FAM136A: variants seen among roughly 807,000 people sequenced by gnomAD.
FAM136A encodes the protein TIM double twin CX3C motif protein.
FAM136A carries 25 observed loss-of-function variants against 21.6 expected under a neutral mutation model. The observed-to-expected ratio is 1.16, with a 90% CI of 0.84 to 1.62. FAM136A has a LOEUF of 1.62. Ranked by LOEUF, FAM136A falls within the 40% of genes most tolerant of loss-of-function variation. FAM136A has a pLI of 0.00. For missense variants in FAM136A, 338 were observed against 332.0 expected (o/e 1.02, Z -0.14); for synonymous variants, 119 against 129.4 (o/e 0.92, Z 0.55).
rs2279159 is a variant in FAM136A at position 70,301,695 on chromosome 2, G to A, written c.317C>T (p.Pro106Leu). ...CTGCCGCCGAGGACGCTCCTGCCCC[G>A]GGCTGGAAGGGGCGGAAAACAGCCT... ...CARLFSAPSSPGQERPRRQVG... is the reference protein window; with the variant it reads ...CARLFSAPSSLGQERPRRQVG... The change falls in exon 1 of 3, where the codon CCG (proline) becomes CTG (leucine). Residue 106 changes from proline to leucine, a missense_variant. Transcript: ENST00000430566. 522,074 of 1,535,188 alleles carry A rather than the reference G, an allele frequency of 0.34. 91,243 individuals carry two copies. Among genetic ancestry groups the A allele is most frequent in the Admixed American group, 0.47 (23,771 of 50,936 alleles).
intron 1 of FAM136A, chr2:70,301,228 G>T: frequency 2.4e-6 from 2 of 840,122 alleles, no homozygotes; most frequent in Non-Finnish European, 3.6e-6. Flanking sequence ...ACCGATGGTT[G>T]GGTGAACAGA....
In FAM136A at chr2:70,301,442, C is replaced by A. The variant is rs926239446; in HGVS notation, c.408+162G>T. On this transcript the variant is annotated intron_variant, in intron 1 of 2. Transcript: ENST00000430566. ...GAAGCAGGACCGAAACACACAGAGG[C>A]ATTGCGGGGCTCAGAGAAGAACAGT... 5.2e-6 allele frequency: 8 copies of A among 1,535,392 alleles called. No homozygotes were observed. In the South Asian group the frequency reaches 8.4e-5, roughly 16 times the overall value.
At position 70,302,063 on chromosome 2, in the gene FAM136A, G is replaced by C. The variant is rs544155052; in HGVS notation, c.-52C>G. 2,383 of 1,513,634 alleles carry C rather than the reference G, an allele frequency of 1.6e-3. 2 individuals are homozygous for C. Among genetic ancestry groups the C allele is most frequent in the Non-Finnish European group, 1.8e-3 (2,001 of 1,135,178 alleles). The allele number at this position is 1,513,634 out of a possible 1,614,324, so 93.8% of individuals were successfully genotyped here. A position where few individuals can be genotyped will look rare whatever the true frequency, so the allele number is the denominator to read the frequency against. On this transcript the variant is annotated 5_prime_UTR_variant, in exon 1 of 3. Transcript: ENST00000430566. ...TCCGCGCCGGCGCCCATATGGAATC[G>C]GCGTACGGGCCCGCCCCCTCACCGC... is the stretch of plus-strand genomic sequence containing the variant.
chr2:70,297,161 A>G lies in FAM136A; in HGVS notation c.*128T>C, dbSNP rs1229127441. The G allele has an allele frequency of 8.7e-6, 8 of 919,562 alleles. No individual in the cohort carries two copies. The highest frequency in any genetic ancestry group is 1.1e-5 in the Non-Finnish European group (7 of 622,416). 57.0% of individuals were successfully genotyped at this position (919,562 alleles called of 1,614,324 possible). A position where few individuals can be genotyped will look rare whatever the true frequency, so the allele number is the denominator to read the frequency against. ...TAACCAGTGTCCAGAGGCAAGTGAC[A>G]TATGCCTTACGCTTGTGGCCATCCT... On this transcript the variant is annotated 3_prime_UTR_variant, in exon 3 of 3. Coordinates refer to ENST00000430566, the MANE Select transcript of FAM136A (RefSeq NM_001329752.2).
rs762894900 is a variant in FAM136A at position 70,301,783 on chromosome 2, G to C, written c.229C>G (p.Leu77Val). ...CGRPWGRRGG[L>V]GQDFGSFGGS... Reference sequence around the variant, plus strand: ...CCAAAGCTTCCGAAGTCCTGTCCGAGGCCGCCCCGGCGACCCCAGGGCCGC... The same window carrying C: ...CCAAAGCTTCCGAAGTCCTGTCCGACGCCGCCCCGGCGACCCCAGGGCCGC... The change falls in exon 1 of 3, where the codon CTC becomes GTC. Residue 77 changes from leucine to valine, a missense_variant. Coordinates refer to ENST00000430566, the MANE Select transcript of FAM136A (RefSeq NM_001329752.2). 1 of 1,546,614 alleles carries C rather than the reference G, an allele frequency of 6.5e-7. No homozygotes were observed. Among genetic ancestry groups the C allele is most frequent in the South Asian group, 1.2e-5 (1 of 83,916 alleles).
intron 2 of FAM136A, 39 bp downstream of exon 2, chr2:70,300,801 T>G: frequency 1.3e-6 from 2 of 1,546,984 alleles, no homozygotes; most frequent in Non-Finnish European, 1.8e-6. Flanking sequence ...CAAAAGTCTG[T>G]ATCAAGGACT....
intron 2 of FAM136A, 35 bp from the exon 3 acceptor site, chr2:70,297,512 G>A (rs1263225226): frequency 6.2e-7 from 1 of 1,607,946 alleles, no homozygotes; most frequent in East Asian, 2.2e-5. Flanking sequence ...AAAAAGCTGA[G>A]AGTAAGGCCT....
intron 2 of FAM136A, among the ~76,000 whole-genome samples, chr2:70,298,183 C>T (rs1156283436): frequency 1.3e-5 from 2 of 151,978 alleles, no homozygotes; most frequent in Non-Finnish European, 2.9e-5. Context: ...ACCTCCACCT[C>T]CCGGGTTCAA....
chr2:70,301,098 CT>C lies in FAM136A; in HGVS notation c.409-119del. 3 of 1,217,942 alleles carry C rather than the reference CT, an allele frequency of 2.5e-6. No homozygotes were observed. In the South Asian group the frequency reaches 4.5e-5, roughly 18 times the overall value. 75.4% of individuals were successfully genotyped at this position (1,217,942 alleles called of 1,614,324 possible). A position where few individuals can be genotyped will look rare whatever the true frequency, so the allele number is the denominator to read the frequency against. On this transcript the variant is annotated intron_variant, in intron 1 of 2. Coordinates refer to ENST00000430566, the MANE Select transcript of FAM136A (RefSeq NM_001329752.2). Reference sequence around the variant, plus strand: ...TTTGCACCTCTCTCTCCACCTTCTGCTTTCACCTTCCCTGAGAATAGACACC... The same window carrying C: ...TTTGCACCTCTCTCTCCACCTTCTGCTTCACCTTCCCTGAGAATAGACACC...
Position 70,300,985 on chromosome 2 carries a change from G to A in FAM136A, c.409-5C>T. Reference sequence around the variant, plus strand: ...GCTGCACCGGAACATGAGACCCTGGGGAGAAAGGGCAGAGAGGTTAGGTAG... The same window carrying A: ...GCTGCACCGGAACATGAGACCCTGGAGAGAAAGGGCAGAGAGGTTAGGTAG... On this transcript the variant is annotated splice_region_variant and splice_polypyrimidine_tract_variant and intron_variant, in intron 1 of 2. Coordinates refer to ENST00000430566, the MANE Select transcript of FAM136A (RefSeq NM_001329752.2). 2 of 1,608,930 alleles carry A rather than the reference G, an allele frequency of 1.2e-6. No homozygotes were observed. Among genetic ancestry groups the A allele is most frequent in the South Asian group, 1.1e-5 (1 of 90,910 alleles).
chr2:70,299,756 A>G (rs1176373521), intron 2 of FAM136A, among the ~76,000 whole-genome samples: 1 of 151,570 alleles, frequency 6.6e-6, no homozygotes. Context: ...GCCCACCACC[A>G]CACCTGGCCA....
intron 1 of FAM136A, 47 bp downstream of exon 1, chr2:70,301,557 T>G (rs1697399313): frequency 6.5e-7 from 1 of 1,535,854 alleles, no homozygotes; most frequent in Non-Finnish European, 8.7e-7. Context: ...CTCGCCTTTC[T>G]GGTCTTTCAC....
intron 1 of FAM136A, 138 bp downstream of exon 1, chr2:70,301,464 CAG>C: frequency 6.5e-7 from 1 of 1,535,594 alleles, no homozygotes; most frequent in South Asian, 1.2e-5. Flanking sequence ...CAGAGAAGAA[CAG>C]TGTAGAAACC....
intron 2 of FAM136A, among the ~76,000 whole-genome samples, chr2:70,298,490 C>G (rs926030480): frequency 6.6e-6 from 1 of 152,182 alleles, no homozygotes; most frequent in Non-Finnish European, 1.5e-5. Context: ...GGGAATATAG[C>G]AATGAGTAAA....
chr2:70,299,734 G>A (rs571494365), intron 2 of FAM136A, among the ~76,000 whole-genome samples: 3 of 152,026 alleles, frequency 2.0e-5, no homozygotes, highest in African/African-American at 7.2e-5. Flanking sequence ...CCGAGTAGCT[G>A]GGACTACAGG....
chr2:70,299,752 C>G lies in FAM136A; in HGVS notation c.549+1088G>C, dbSNP rs964320369. 2.0e-5 allele frequency among the ~76,000 whole-genome samples: 3 copies of G among 152,082 alleles called. No homozygotes were observed. The South Asian group carries it at 6.2e-4, about 32-fold the overall frequency. On this transcript the variant is annotated intron_variant, in intron 2 of 2. Coordinates refer to ENST00000430566, the MANE Select transcript of FAM136A (RefSeq NM_001329752.2). ...AGTAGCTGGGACTACAGGCGCCCACCACCACACCTGGCCAATTTTTTGTAT... is the reference window on the plus strand; with the variant it reads ...AGTAGCTGGGACTACAGGCGCCCACGACCACACCTGGCCAATTTTTTGTAT...
Position 70,296,384 on chromosome 2 carries a change from ACTTCAT to A in FAM136A, c.*899_*904del, listed in dbSNP as rs1697248133. On this transcript the variant is annotated 3_prime_UTR_variant, in exon 3 of 3. Coordinates refer to ENST00000430566, the MANE Select transcript of FAM136A (RefSeq NM_001329752.2). ...AAAACCAGGTTTTCCCAAATCCAGT[ACTTCAT>A]TTACTCTGTTGTAATCAAGTAGCCA... 6.6e-6 allele frequency: 1 copy of A among 152,066 alleles called. No individual in the cohort carries two copies. The highest frequency in any genetic ancestry group is 2.4e-5 in the African/African-American group (1 of 41,418). The allele number at this position is 152,066 out of a possible 1,614,324, so 9.4% of individuals were successfully genotyped here. A position where few individuals can be genotyped will look rare whatever the true frequency, so the allele number is the denominator to read the frequency against.
Position 70,301,784 on chromosome 2 carries a change from G to GC in FAM136A, c.227dup (p.Leu77ProfsTer13), listed in dbSNP as rs1437894436. The GC allele has an allele frequency of 7.1e-6, 11 of 1,546,482 alleles. No individual in the cohort carries two copies. The African/African-American group carries it at 1.5e-4, about 21-fold the overall frequency. ...CAAAGCTTCCGAAGTCCTGTCCGAG[G>GC]CCGCCCCGGCGACCCCAGGGCCGCC... is the stretch of plus-strand genomic sequence containing the variant. On this transcript the variant is annotated frameshift_variant, in exon 1 of 3. Coordinates refer to ENST00000430566, the MANE Select transcript of FAM136A (RefSeq NM_001329752.2). LOFTEE classifies it high-confidence loss of function.
rs771110367 is a variant in FAM136A, at chr2:70,302,056, T to G, written c.-45A>C. ...GCGGCGCTCCGCGCCGGCGCCCATA[T>G]GGAATCGGCGTACGGGCCCGCCCCC... On this transcript the variant is annotated 5_prime_UTR_variant, in exon 1 of 3. Transcript: ENST00000430566. 3 of 1,533,766 alleles carry G rather than the reference T, an allele frequency of 2.0e-6. No homozygotes were observed. Among genetic ancestry groups the G allele is most frequent in the South Asian group, 1.2e-5 (1 of 82,458 alleles).
Sources: allele counts gnomAD v4.1 joint callset (sites outside exome capture counted in the v4.1 genomes callset), GRCh38; gene constraint gnomAD v4.1.1; transcripts MANE v1.5; gene names NCBI Gene and HGNC (gene_info 2026-07-23, HGNC 2026-07-21).